GOLGA4: variants seen among roughly 807,000 people sequenced by gnomAD.
The protein encoded by GOLGA4 is golgin subfamily A member 4.
Under a neutral mutation model 265.9 loss-of-function variants are expected in GOLGA4, and 169 were observed. The observed-to-expected ratio is 0.64, with a 90% confidence interval of 0.56 to 0.72. The LOEUF is 0.72. Ranked by LOEUF, GOLGA4 falls within the 30% of genes least tolerant of loss-of-function variation. The probability of loss-of-function intolerance (pLI) is 0.00; values close to 1 mark genes in which losing one functional copy is unlikely to be tolerated. For missense variants in GOLGA4, 2,482 were observed against 2,483.4 expected (o/e 1.00, Z 0.01); for synonymous variants, 923 against 855.8 (o/e 1.08, Z -1.37).
At chr3:37,337,119 T>A in intron 17 of GOLGA4, 24 bp from the exon 18 acceptor site, 2 of 1,357,854 alleles carry the variant, frequency 1.5e-6, no homozygotes, top group African/African-American at 2.9e-5. Flanking sequence ...TATACACTCA[T>A]GTTTTTTCTT....
chr3:37,248,695 A>C (rs1480049274), intron 1 of GOLGA4, among the ~76,000 whole-genome samples: 1 of 152,124 alleles, frequency 6.6e-6, no homozygotes, highest in Non-Finnish European at 1.5e-5. Context: ...TATGTTTTAG[A>C]ATCTGTTAAA....
chr3:37,245,855 C>T (rs150156297), intron 1 of GOLGA4, among the ~76,000 whole-genome samples: 170 of 152,208 alleles, frequency 1.1e-3, no homozygotes, highest in Non-Finnish European at 1.9e-3. Flanking sequence ...TGAGCCACTG[C>T]GCCTGGCCAT....
chr3:37,320,889 A>G (rs1351006389), intron 12 of GOLGA4, among the ~76,000 whole-genome samples: 1 of 152,158 alleles, frequency 6.6e-6, no homozygotes, highest in Admixed American at 6.5e-5. Context: ...TAAATAATAT[A>G]GTATATTTAA....
At chr3:37,252,949 CAGA>C (rs1267456051) in intron 2 of GOLGA4, among the ~76,000 whole-genome samples, 1 of 151,994 alleles carries the variant, frequency 6.6e-6, no homozygotes, top group East Asian at 1.9e-4. Context: ...CTTTGATGAA[CAGA>C]AGTTCTTAGT....
At chr3:37,286,211 T>TG (rs2096848836) in intron 4 of GOLGA4, 150 bp downstream of exon 4, 1 of 450,446 alleles carries the variant, frequency 2.2e-6, no homozygotes, top group African/African-American at 2.2e-5. Context: ...CGGACTGCAG[T>TG]GGCGCAATCT....
At chr3:37,243,661 C>T (rs2271548) in intron 1 of GOLGA4, 39 bp downstream of exon 1, 547,540 of 1,540,428 alleles carry the variant, frequency 0.36, 103,357 homozygotes, top group Non-Finnish European at 0.4. Context: ...GTTCCGAATA[C>T]CTCTTGAACC....
chr3:37,265,117 TTGTGTGTGTGTGTGTGTG>T (rs35252934), intron 2 of GOLGA4, among the ~76,000 whole-genome samples: 1 of 147,550 alleles, frequency 6.8e-6, no homozygotes, highest in Non-Finnish European at 1.5e-5. Context: ...CATGCTCATA[TTGTGTGTGTGTGTGTGTG>T]TGTGTGTGTG....
chr3:37,267,190 A>G (rs2096786053), intron 2 of GOLGA4, among the ~76,000 whole-genome samples: 1 of 152,196 alleles, frequency 6.6e-6, no homozygotes, highest in Non-Finnish European at 1.5e-5. Context: ...TTCAGTAATG[A>G]AGCTACCTTC....
At chr3:37,299,886 C>CAAA (rs761312241) in intron 9 of GOLGA4, among the ~76,000 whole-genome samples, 1 of 125,216 alleles carries the variant, frequency 8.0e-6, no homozygotes, top group African/African-American at 3.0e-5. Flanking sequence ...CTCCTCTCTA[C>CAAA]AAAAAAAAAA....
chr3:37,335,141 A>G lies in GOLGA4; in HGVS notation c.6281A>G (p.Gln2094Arg), dbSNP rs748247545. ...LQKKYQQKLEQEENPGNDNVT... is the reference protein window; with the variant it reads ...LQKKYQQKLEREENPGNDNVT... ...AAGAAATACCAGCAAAAGCTAGAGC[A>G]GGAGGAGAACCCTGGCAATGATAAT... Residue 2094 changes from glutamine to arginine, a missense_variant, in exon 17 of 24, where the codon CAG becomes CGG. By Grantham distance (43) the Gln-to-Arg change is conservative. Around this residue, in one of 3 missense-constraint regions of GOLGA4, gnomAD observed 942 missense variants for 983.1 expected, o/e 0.96. Transcript: ENST00000361924. 17 of 1,597,040 alleles carry G rather than the reference A, an allele frequency of 1.1e-5. No homozygotes were observed. The highest frequency in any genetic ancestry group is 1.7e-4 in the Middle Eastern group (1 of 6,052).
intron 13 of GOLGA4, among the ~76,000 whole-genome samples, chr3:37,322,811 A>T (rs1034846060): frequency 6.6e-6 from 1 of 152,024 alleles, no homozygotes; most frequent in Non-Finnish European, 1.5e-5. Flanking sequence ...TAAAATTCAT[A>T]TAAGTTCCTT....
chr3:37,328,908 A>G (rs2096981006), intron 15 of GOLGA4, 55 bp from the exon 16 acceptor site: 1 of 1,386,024 alleles, frequency 7.2e-7, no homozygotes, highest in Non-Finnish European at 9.7e-7. Context: ...TTGAGATACA[A>G]ATATTAACTC....
intron 11 of GOLGA4, among the ~76,000 whole-genome samples, chr3:37,317,742 A>G (rs1353835016): frequency 6.6e-6 from 1 of 152,028 alleles, no homozygotes; most frequent in African/African-American, 2.4e-5. Context: ...ATTTTTTTCT[A>G]TTTATTTGGC....
chr3:37,315,906 C>G (rs994868509), intron 11 of GOLGA4, among the ~76,000 whole-genome samples: 1 of 152,116 alleles, frequency 6.6e-6, no homozygotes, highest in Non-Finnish European at 1.5e-5. Context: ...AGTAGTATAT[C>G]CTCCAGAGAA....
chr3:37,302,484 G>C, intron 10 of GOLGA4, 152 bp downstream of exon 10: 1 of 705,914 alleles, frequency 1.4e-6, no homozygotes, highest in Non-Finnish European at 2.3e-6. Flanking sequence ...AGAGGAGGCA[G>C]AGGTTGGCAA....
rs761157370 is a variant in GOLGA4, at chr3:37,324,673, G to T, written c.2787G>T (p.Gln929His). The change falls in exon 14 of 24, where the codon CAG (glutamine) becomes CAT (histidine). Residue 929 changes from glutamine to histidine, a missense_variant. Transcript: ENST00000361924. ...AGAAAGAAATTGAGATACTCACACA[G>T]AAATTGTCAGCCAAGGAGGACAGTA... ...GQKKEIEILT[Q>H]KLSAKEDSIH... 1 of 1,612,468 alleles carries T rather than the reference G, an allele frequency of 6.2e-7. No homozygotes were observed. Among genetic ancestry groups the T allele is most frequent in the African/African-American group, 1.3e-5 (1 of 74,824 alleles).
intron 19 of GOLGA4, among the ~76,000 whole-genome samples, chr3:37,338,814 A>G (rs950886130): frequency 6.8e-6 from 1 of 148,114 alleles, no homozygotes; most frequent in African/African-American, 2.5e-5. Context: ...TATTCTGGGT[A>G]TTTCATATAA....
chr3:37,246,273 C>CT (rs1319831857), intron 1 of GOLGA4, among the ~76,000 whole-genome samples: 3 of 150,298 alleles, frequency 2.0e-5, no homozygotes, highest in Admixed American at 6.6e-5. Context: ...TGCCACTGCA[C>CT]TCCAGCCTGG....
intron 16 of GOLGA4, among the ~76,000 whole-genome samples, chr3:37,329,874 A>C (rs1255132347): frequency 1.4e-4 from 21 of 152,174 alleles, no homozygotes; most frequent in Non-Finnish European, 1.5e-5. Context: ...CTATATGCTA[A>C]GAATCTTTTG....
Sources: gnomAD v4.1 joint callset for allele counts (sites outside exome capture counted in the v4.1 genomes callset) on GRCh38, gnomAD v4.1.1 for gene constraint, gnomAD v4.1.1 regional missense constraint, MANE v1.5 for transcripts, NCBI Gene and HGNC (gene_info 2026-07-23, HGNC 2026-07-21) for gene names.